The following ZFAND3 variants were observed in gnomAD, a reference collection of about 807,000 sequenced individuals.
ZFAND3 encodes the protein zinc finger AN1-type containing 3, also known as AN1-type zinc finger protein 3.
In ZFAND3, 10 loss-of-function variants were observed where a neutral mutation model predicts 29.6. The ratio of observed to expected loss-of-function variants is 0.34; its 90% CI spans 0.21 to 0.57. The LOEUF (loss-of-function observed/expected upper bound fraction) is 0.57. Among genes scored for constraint, ZFAND3 ranks in the 20% least tolerant of loss-of-function variants. The pLI is 0.86. For missense variants in ZFAND3, 230 were observed against 304.5 expected, an observed-to-expected ratio of 0.76 and a Z score of 1.82; for synonymous variants, 128 against 112.6, an observed-to-expected ratio of 1.14 and a Z score of -0.87.
chr6:37,868,569 G>C (rs1020303972), intron 1 of ZFAND3, among the ~76,000 whole-genome samples: 1 of 152,180 alleles, frequency 6.6e-6, no homozygotes, highest in Non-Finnish European at 1.5e-5. Flanking sequence ...TTTCTGTCTT[G>C]TATGTGGTTA....
chr6:38,150,247 G>A (rs183927036), intron 5 of ZFAND3, among the ~76,000 whole-genome samples: 116 of 152,232 alleles, frequency 7.6e-4, no homozygotes, highest in Admixed American at 2.1e-3. Context: ...GTGGGAGCTC[G>A]GCTTCTCGGG....
At chr6:37,993,641 A>G (rs1762799171) in intron 2 of ZFAND3, among the ~76,000 whole-genome samples, 1 of 152,196 alleles carries the variant, frequency 6.6e-6, no homozygotes, top group Admixed American at 6.5e-5. Context: ...TTATTTTTAA[A>G]GAGACTGTTT....
At chr6:37,959,694 A>G (rs1762160369) in intron 2 of ZFAND3, among the ~76,000 whole-genome samples, 1 of 152,202 alleles carries the variant, frequency 6.6e-6, no homozygotes, top group South Asian at 2.1e-4. Flanking sequence ...CTTCATATGG[A>G]CAAGCATTTT....
At chr6:38,110,818 G>A (rs1327489949) in intron 4 of ZFAND3, among the ~76,000 whole-genome samples, 1 of 152,188 alleles carries the variant, frequency 6.6e-6, no homozygotes, top group African/African-American at 2.4e-5. Context: ...TATTGTGAGT[G>A]TTGGCTTGTA....
intron 2 of ZFAND3, among the ~76,000 whole-genome samples, chr6:38,044,214 C>G (rs1384525345): frequency 6.6e-6 from 1 of 152,208 alleles, no homozygotes; most frequent in Non-Finnish European, 1.5e-5. Flanking sequence ...CTCCTTTAAA[C>G]TGACCCTTTT....
chr6:38,014,787 C>A (rs1763225852), intron 2 of ZFAND3, among the ~76,000 whole-genome samples: 1 of 152,096 alleles, frequency 6.6e-6, no homozygotes, highest in Non-Finnish European at 1.5e-5. Context: ...GAGGCATTTC[C>A]TATTTAATCT....
Position 38,091,319 on chromosome 6 carries a change from T to A in ZFAND3, c.361+8862T>A, listed in dbSNP as rs1032522031. Among the ~76,000 whole-genome samples, 11 of 152,048 alleles carry A rather than the reference T, an allele frequency of 7.2e-5. 1 individual carries two copies. Among genetic ancestry groups the A allele is most frequent in the Admixed American group, 5.2e-4 (8 of 15,250 alleles). The stretch of plus-strand genomic sequence containing the variant: ...GTTTTTTTTTTTAATAGTCATTTAT[T>A]TTATCATAGGTTGCATTCTTACCAA... On this transcript the variant is annotated intron_variant, in intron 4 of 5. Transcript: ENST00000287218.
chr6:38,153,536 C>T lies in ZFAND3; in HGVS notation c.*1147C>T, dbSNP rs1312054583. On this transcript the variant is annotated 3_prime_UTR_variant, in exon 6 of 6. Transcript: ENST00000287218. ...GTGGGTTTGGATCTGTCTAGAACAG[C>T]GGTTTGTGGCTGTGGCCCAGCTCCG... The T allele has an allele frequency of 5.1e-6, 5 of 985,446 alleles. No homozygotes were observed. The highest frequency in any genetic ancestry group is 1.7e-5 in the African/African-American group (1 of 57,250). 61.0% of individuals were successfully genotyped at this position (985,446 alleles called of 1,614,324 possible).
rs71907088 is a variant in ZFAND3, at chr6:38,026,787, C to CAGAG, written c.113-34785_113-34782dup. Among the ~76,000 whole-genome samples the CAGAG allele has an allele frequency of 5.8e-3, 862 of 148,986 alleles. 3 individuals are homozygous for CAGAG. The highest frequency in any genetic ancestry group is 7.9e-3 in the South Asian group (37 of 4,672). On this transcript the variant is annotated intron_variant, in intron 2 of 5. Transcript: ENST00000287218. ...TTATGGCTCTTTGCATTTTAATAAC[C>CAGAG]AGAGAGAGAGAGAGAGAGAGAGAGT...
chr6:37,848,067 C>G (rs536053488), intron 1 of ZFAND3, among the ~76,000 whole-genome samples: 1 of 152,344 alleles, frequency 6.6e-6, no homozygotes, highest in Admixed American at 6.5e-5. Flanking sequence ...GCTAAGATTA[C>G]CAGTGATGAT....
chr6:38,153,868 A>G lies in ZFAND3; in HGVS notation c.*1479A>G. ...GGAGGCAGCGTGGATCTGCCCACACATAGGCTACTGGAATAGTTTAACCCA... is the reference window on the plus strand; with the variant it reads ...GGAGGCAGCGTGGATCTGCCCACACGTAGGCTACTGGAATAGTTTAACCCA... On this transcript the variant is annotated 3_prime_UTR_variant, in exon 6 of 6. Transcript: ENST00000287218. 1.0e-6 allele frequency: 1 copy of G among 985,524 alleles called. No homozygotes were observed. The highest frequency in any genetic ancestry group is 1.2e-6 in the Non-Finnish European group (1 of 829,956). The allele number at this position is 985,524 out of a possible 1,614,324, so 61.0% of individuals were successfully genotyped here.
At chr6:38,066,835 T>C (rs1258240901) in intron 3 of ZFAND3, among the ~76,000 whole-genome samples, 1 of 152,204 alleles carries the variant, frequency 6.6e-6, no homozygotes, top group Non-Finnish European at 1.5e-5. Flanking sequence ...AAAGAATTTC[T>C]TAATACGCTT....
At chr6:38,058,317 T>A (rs1018260075) in intron 2 of ZFAND3, among the ~76,000 whole-genome samples, 2 of 152,116 alleles carry the variant, frequency 1.3e-5, no homozygotes, top group African/African-American at 4.8e-5. Flanking sequence ...GGTAGACAGA[T>A]GGTTATGGGA....
At chr6:37,911,176 C>T (rs1293396396) in intron 1 of ZFAND3, among the ~76,000 whole-genome samples, 1 of 152,088 alleles carries the variant, frequency 6.6e-6, no homozygotes, top group Non-Finnish European at 1.5e-5. Context: ...CCTTTTTCCC[C>T]CACGTCCTTG....
intron 1 of ZFAND3, among the ~76,000 whole-genome samples, chr6:37,840,656 A>T (rs1373287466): frequency 1.3e-5 from 2 of 152,238 alleles, no homozygotes; most frequent in Non-Finnish European, 2.9e-5. Flanking sequence ...GCATCTCCAG[A>T]TGAATTTGGG....
At chr6:37,913,661 AAATAGTCT>A (rs1765562119) in intron 1 of ZFAND3, among the ~76,000 whole-genome samples, 1 of 151,392 alleles carries the variant, frequency 6.6e-6, no homozygotes, top group Non-Finnish European at 1.5e-5. Context: ...CCTTCCCAGA[AAATAGTCT>A]ATTATTTACT....
At position 37,992,443 on chromosome 6, in the gene ZFAND3, G is replaced by T. The variant is rs954710146; in HGVS notation, c.112+62444G>T. On this transcript the variant is annotated intron_variant, in intron 2 of 5. Transcript: ENST00000287218. ...AGGAAAGTTAAAACACTAGAACAGTGAATTCCTATGTATCTTTCACTGAGA... is the reference window on the plus strand; with the variant it reads ...AGGAAAGTTAAAACACTAGAACAGTTAATTCCTATGTATCTTTCACTGAGA... Among the ~76,000 whole-genome samples the T allele has an allele frequency of 5.3e-5, 8 of 152,116 alleles. No homozygotes were observed. In the South Asian group the frequency reaches 1.2e-3, roughly 24 times the overall value.
At chr6:38,113,429 A>C (rs1215091313) in intron 4 of ZFAND3, among the ~76,000 whole-genome samples, 1 of 152,224 alleles carries the variant, frequency 6.6e-6, no homozygotes, top group East Asian at 1.9e-4. Flanking sequence ...TACCAGAACA[A>C]ATAACTCAGT....
chr6:38,025,703 C>CTGA lies in ZFAND3; in HGVS notation c.113-35888_113-35886dup, dbSNP rs560705797. ...TTCAGAGATATAAAAGAATGAAGCA[C>CTGA]TGATACATGCCACAACATAGATGAA... On this transcript the variant is annotated intron_variant, in intron 2 of 5. Transcript: ENST00000287218. 1.4e-3 allele frequency among the ~76,000 whole-genome samples: 209 copies of CTGA among 152,292 alleles called. 1 individual carries two copies. The highest frequency in any genetic ancestry group is 2.4e-3 in the Non-Finnish European group (164 of 68,026).
Sources: allele counts gnomAD v4.1 joint callset (sites outside exome capture counted in the v4.1 genomes callset), GRCh38; gene constraint gnomAD v4.1.1; transcripts MANE v1.5; gene names NCBI Gene and HGNC (gene_info 2026-07-23, HGNC 2026-07-21).